ADGRE3: variants seen among roughly 807,000 people sequenced by gnomAD.
The protein encoded by ADGRE3 is EGF-like module receptor 3.
In ADGRE3, 88 loss-of-function variants were observed where a neutral mutation model predicts 80.1. That is an observed-to-expected ratio of 1.10 (90% CI 0.93 to 1.31). ADGRE3 has a LOEUF of 1.31. Among genes scored for constraint, ADGRE3 ranks in the 40% most tolerant of loss-of-function variants. The pLI, the probability that ADGRE3 is intolerant of heterozygous loss-of-function variation, is 0.00. For synonymous variants in ADGRE3, 281 were observed against 294.8 expected, an observed-to-expected ratio of 0.95 and a Z score of 0.48; for missense variants, 715 against 776.5, an observed-to-expected ratio of 0.92 and a Z score of 0.94.
chr19:14,643,395 C>T (rs928056636), intron 9 of ADGRE3, among the ~76,000 whole-genome samples: 4 of 151,924 alleles, frequency 2.6e-5, no homozygotes, highest in East Asian at 3.9e-4. Context: ...CTGCCTGCCT[C>T]GGCCTCCCAA....
At chr19:14,602,206 T>G in the ADGRE3 span, among the ~76,000 whole-genome samples, 5 of 152,222 alleles carry the variant, frequency 3.3e-5, no homozygotes, top group Non-Finnish European at 7.3e-5. Flanking sequence ...AAATGTTTTT[T>G]TTTTCCCAGA....
chr19:14,600,855 C>T, the ADGRE3 span, among the ~76,000 whole-genome samples: 3 of 144,162 alleles, frequency 2.1e-5, no homozygotes, highest in African/African-American at 7.7e-5. Flanking sequence ...TCCCAAAGTG[C>T]TGGGATTACA....
chr19:14,627,970 A>C (rs548441692), intron 14 of ADGRE3, among the ~76,000 whole-genome samples: 52 of 151,822 alleles, frequency 3.4e-4, no homozygotes, highest in African/African-American at 1.2e-3. Flanking sequence ...CTCTATTAAA[A>C]ACACAAAATT....
At chr19:14,625,055 C>T (rs551307552) in intron 15 of ADGRE3, among the ~76,000 whole-genome samples, 1 of 152,300 alleles carries the variant, frequency 6.6e-6, no homozygotes, top group Admixed American at 6.5e-5. Context: ...TCTTGGCTCA[C>T]TGCAACCTCC....
At chr19:14,639,640 G>T (rs781177324) in intron 10 of ADGRE3, among the ~76,000 whole-genome samples, 1 of 152,026 alleles carries the variant, frequency 6.6e-6, no homozygotes, top group East Asian at 1.9e-4. Context: ...GGCCTCAAAC[G>T]CCTGGCCTCA....
At chr19:14,656,123 A>G (rs1971749473) in intron 5 of ADGRE3, among the ~76,000 whole-genome samples, 1 of 151,992 alleles carries the variant, frequency 6.6e-6, no homozygotes, top group South Asian at 2.1e-4. Flanking sequence ...AGGGGGGTGG[A>G]TCATCTGAGG....
the ADGRE3 span, among the ~76,000 whole-genome samples, chr19:14,601,864 C>T: frequency 1.3e-5 from 2 of 152,038 alleles, no homozygotes; most frequent in African/African-American, 4.8e-5. Context: ...GCGATCTCGG[C>T]TCACTGCAAG....
the ADGRE3 span, among the ~76,000 whole-genome samples, chr19:14,606,009 T>A: frequency 6.6e-6 from 1 of 152,112 alleles, no homozygotes; most frequent in African/African-American, 2.4e-5. Context: ...GTGGTGGGAT[T>A]ACAGATATGA....
rs530010607 is a variant in ADGRE3, at chr19:14,645,107, G to C, written c.883-832C>G. ...TTATGTAACATAAAATAAAGCAAAGGCTCCCTGGGAACCACAGTTTCAAGA... is the reference window on the plus strand; with the variant it reads ...TTATGTAACATAAAATAAAGCAAAGCCTCCCTGGGAACCACAGTTTCAAGA... On this transcript the variant is annotated intron_variant, in intron 8 of 15. Transcript: ENST00000253673. Among the ~76,000 whole-genome samples, 143 of 151,982 alleles carry C rather than the reference G, an allele frequency of 9.4e-4. 1 individual carries two copies. Among genetic ancestry groups the C allele is most frequent in the African/African-American group, 2.2e-3 (93 of 41,466 alleles).
At position 14,621,801 on chromosome 19, in the gene ADGRE3, T is replaced by G. The variant is rs1000357545; in HGVS notation, c.1921-2330A>C. On this transcript the variant is annotated intron_variant, in intron 15 of 15. Coordinates refer to ENST00000253673, the MANE Select transcript of ADGRE3 (RefSeq NM_032571.5). ...CATATCAGCAGTAATGCAAGGCCAA[T>G]AAGAACAATTCCAGCAACCACACCA... The G allele has an allele frequency of 4.5e-5, 47 of 1,033,030 alleles. 14 individuals are homozygous for G. The Admixed American group carries it at 1.1e-3, about 24-fold the overall frequency. The allele number at this position is 1,033,030 out of a possible 1,614,324, so 64.0% of individuals were successfully genotyped here.
At chr19:14,635,161 A>G (rs1262442143) in intron 11 of ADGRE3, among the ~76,000 whole-genome samples, 1 of 152,112 alleles carries the variant, frequency 6.6e-6, no homozygotes, top group African/African-American at 2.4e-5. Context: ...CAGTTGCTCT[A>G]TCACAACTTA....
At chr19:14,603,289 G>A in the ADGRE3 span, among the ~76,000 whole-genome samples, 1 of 152,104 alleles carries the variant, frequency 6.6e-6, no homozygotes, top group Non-Finnish European at 1.5e-5. Flanking sequence ...GGTCTTTGCT[G>A]TCTTTACTCC....
intron 5 of ADGRE3, among the ~76,000 whole-genome samples, chr19:14,658,111 G>A (rs918105653): frequency 2.6e-5 from 4 of 151,966 alleles, no homozygotes; most frequent in African/African-American, 4.8e-5. Flanking sequence ...AAATGTCCTC[G>A]TGTAAGTGGA....
chr19:14,665,770 G>A lies in ADGRE3; in HGVS notation c.77-2230C>T, dbSNP rs138481390. On this transcript the variant is annotated intron_variant, in intron 2 of 15. Coordinates refer to ENST00000253673, the MANE Select transcript of ADGRE3 (RefSeq NM_032571.5). ...GGCCTCCCAAAGCACTGGGATTACA[G>A]GTGTTAGCCACCATGCCTAGCCTTT... Among the ~76,000 whole-genome samples the A allele has an allele frequency of 2.6e-3, 387 of 151,332 alleles. 1 individual carries two copies. The highest frequency in any genetic ancestry group is 9.0e-3 in the African/African-American group (370 of 41,334).
intron 6 of ADGRE3, among the ~76,000 whole-genome samples, chr19:14,651,498 G>A (rs1398401349): frequency 6.6e-6 from 1 of 152,166 alleles, no homozygotes; most frequent in Non-Finnish European, 1.5e-5. Flanking sequence ...CTTCATCAGG[G>A]ACAACTCTAT....
chr19:14,633,723 T>TAA (rs1320513235), intron 11 of ADGRE3, among the ~76,000 whole-genome samples: 1 of 128,032 alleles, frequency 7.8e-6, no homozygotes, highest in Non-Finnish European at 1.6e-5. Flanking sequence ...TAAAATAAAA[T>TAA]AAAATAAAAT....
the ADGRE3 span, among the ~76,000 whole-genome samples, chr19:14,612,251 C>T: frequency 3.4e-4 from 51 of 152,134 alleles, no homozygotes; most frequent in Non-Finnish European, 6.6e-4. Flanking sequence ...CTTCTGAGGC[C>T]TCCTGTCTTG....
At chr19:14,600,474 A>G in the ADGRE3 span, among the ~76,000 whole-genome samples, 1 of 152,148 alleles carries the variant, frequency 6.6e-6, no homozygotes, top group African/African-American at 2.4e-5. Context: ...AGCACTTTTT[A>G]TGTTTCAGGT....
intron 7 of ADGRE3, among the ~76,000 whole-genome samples, chr19:14,648,958 C>T (rs1971495179): frequency 6.6e-6 from 1 of 151,430 alleles, no homozygotes; most frequent in Non-Finnish European, 1.5e-5. Context: ...TCTCTCTTTC[C>T]ATCTCTCTCC....
Sources: gnomAD v4.1 joint callset for allele counts (sites outside exome capture counted in the v4.1 genomes callset) on GRCh38, gnomAD v4.1.1 for gene constraint, MANE v1.5 for transcripts, NCBI Gene and HGNC (gene_info 2026-07-23, HGNC 2026-07-21) for gene names.